Variants in TSNARE1 observed in about 807,000 individuals in gnomAD.
TSNARE1 encodes t-SNARE domain containing 1.
A neutral mutation model predicts 62.0 loss-of-function variants in TSNARE1; 49 were observed. The ratio of observed to expected loss-of-function variants is 0.79; its 90% CI spans 0.63 to 1.00. The LOEUF (loss-of-function observed/expected upper bound fraction) is 1.00. Among genes scored for constraint, TSNARE1 ranks in the 50% least tolerant of loss-of-function variants. TSNARE1 has a pLI of 0.00. For missense variants in TSNARE1, 755 were observed against 700.1 expected (o/e 1.08, Z -0.88); for synonymous variants, 328 against 294.4 (o/e 1.11, Z -1.17).
intron 1 of TSNARE1, among the ~76,000 whole-genome samples, chr8:142,394,349 C>G (rs1189251796): frequency 6.6e-6 from 1 of 152,222 alleles, no homozygotes; most frequent in Admixed American, 6.5e-5. Flanking sequence ...ACCTCTTACT[C>G]CCCATCTGTA....
intron 9 of TSNARE1, 150 bp from the exon 10 acceptor site, chr8:142,300,794 G>C: frequency 1.3e-6 from 1 of 751,482 alleles, no homozygotes; most frequent in Non-Finnish European, 1.9e-6. Flanking sequence ...GGGGCCTTCT[G>C]CGGCCACGAG....
intron 11 of TSNARE1, chr8:142,278,342 T>TGG (rs1820841219): frequency 2.0e-6 from 2 of 985,428 alleles, no homozygotes; most frequent in Middle Eastern, 1.0e-3. Context: ...TGGCTGCCAC[T>TGG]GGGGGCGTTT....
chr8:142,351,788 T>C (rs182708856), intron 2 of TSNARE1, among the ~76,000 whole-genome samples: 4 of 152,316 alleles, frequency 2.6e-5, no homozygotes, highest in Non-Finnish European at 5.9e-5. Flanking sequence ...GAAAACTTTA[T>C]CACAGAGCTG....
chr8:142,384,255 C>T (rs764128209), intron 1 of TSNARE1, among the ~76,000 whole-genome samples: 1 of 152,186 alleles, frequency 6.6e-6, no homozygotes, highest in Non-Finnish European at 1.5e-5. Flanking sequence ...TGGAAAGCTA[C>T]TGTATCCCCT....
At chr8:142,230,220 A>G (rs1304092419) in intron 12 of TSNARE1, among the ~76,000 whole-genome samples, 1 of 152,204 alleles carries the variant, frequency 6.6e-6, no homozygotes, top group African/African-American at 2.4e-5. Flanking sequence ...TGGGGTGGGA[A>G]ACCCCTCGGC....
intron 12 of TSNARE1, among the ~76,000 whole-genome samples, chr8:142,267,179 C>T (rs9644551): frequency 0.13 from 20,316 of 152,198 alleles, 1,610 homozygotes; most frequent in East Asian, 0.33. Flanking sequence ...TCCTGGTTTT[C>T]CCTCAACGGC....
intron 1 of TSNARE1, among the ~76,000 whole-genome samples, chr8:142,365,629 CACACAGAGAG>C (rs1442499410): frequency 2.2e-4 from 32 of 147,556 alleles, no homozygotes; most frequent in South Asian, 2.0e-3. Context: ...CACACACACA[CACACAGAGAG>C]AGAGAGGGGA....
intron 1 of TSNARE1, among the ~76,000 whole-genome samples, chr8:142,398,055 T>A (rs968016336): frequency 3.3e-5 from 5 of 152,222 alleles, no homozygotes; most frequent in African/African-American, 1.2e-4. Flanking sequence ...CAGACCTGCC[T>A]ACTAGGAGTC....
chr8:142,284,620 AC>A (rs1386395861), intron 10 of TSNARE1, 135 bp from the exon 11 acceptor site: 50 of 708,938 alleles, frequency 7.1e-5, no homozygotes, highest in Non-Finnish European at 8.2e-5. Flanking sequence ...ACAGCTGGGG[AC>A]CGGCTGGTCT....
chr8:142,287,075 G>A (rs959368613), intron 10 of TSNARE1, among the ~76,000 whole-genome samples: 1 of 152,224 alleles, frequency 6.6e-6, no homozygotes, highest in Non-Finnish European at 1.5e-5. Context: ...TCCAACCCAG[G>A]TCACTACCAC....
chr8:142,281,709 G>A (rs1312311028), intron 11 of TSNARE1, among the ~76,000 whole-genome samples: 1 of 152,082 alleles, frequency 6.6e-6, no homozygotes, highest in Non-Finnish European at 1.5e-5. Flanking sequence ...AAGGGCTGTG[G>A]CCCAGGGTGG....
intron 6 of TSNARE1, among the ~76,000 whole-genome samples, chr8:142,327,232 G>A (rs1465029642): frequency 6.6e-6 from 1 of 152,246 alleles, no homozygotes; most frequent in African/African-American, 2.4e-5. Context: ...GCTGGTGAAT[G>A]GGTCTGTCCT....
chr8:142,269,723 T>C (rs1454995339), intron 12 of TSNARE1: 40 of 985,200 alleles, frequency 4.1e-5, no homozygotes, highest in Non-Finnish European at 4.8e-5. Context: ...TTTGGCAGGA[T>C]GGAAGGCCAG....
At chr8:142,260,301 C>T (rs531469623) in intron 12 of TSNARE1, among the ~76,000 whole-genome samples, 57 of 152,210 alleles carry the variant, frequency 3.7e-4, no homozygotes, top group African/African-American at 1.3e-3. Context: ...AGAAGCACAA[C>T]TGTTTAGAGA....
intron 4 of TSNARE1, among the ~76,000 whole-genome samples, chr8:142,336,053 T>A (rs904043799): frequency 6.6e-6 from 1 of 152,092 alleles, no homozygotes; most frequent in African/African-American, 2.4e-5. Flanking sequence ...GAGGCTAAGA[T>A]AGGAGGATCA....
chr8:142,389,220 A>T (rs944952966), intron 1 of TSNARE1, among the ~76,000 whole-genome samples: 1 of 152,242 alleles, frequency 6.6e-6, no homozygotes, highest in Non-Finnish European at 1.5e-5. Context: ...AACAGTGGAC[A>T]CATCTCACAC....
chr8:142,293,097 C>T (rs1298558752), intron 10 of TSNARE1, among the ~76,000 whole-genome samples: 2 of 152,158 alleles, frequency 1.3e-5, no homozygotes, highest in Non-Finnish European at 2.9e-5. Flanking sequence ...CCTCAGGAGT[C>T]CCCAAGAAAA....
intron 4 of TSNARE1, among the ~76,000 whole-genome samples, chr8:142,340,655 A>G (rs1290824742): frequency 1.3e-5 from 2 of 152,250 alleles, no homozygotes; most frequent in Non-Finnish European, 2.9e-5. Context: ...AAGGCCCCAG[A>G]GCTGGGAAAG....
chr8:142,296,947 C>T (rs1824856825), intron 10 of TSNARE1, among the ~76,000 whole-genome samples: 3 of 152,192 alleles, frequency 2.0e-5, no homozygotes, highest in Admixed American at 2.0e-4. Flanking sequence ...AGCCTCATGG[C>T]ACCCCCTGGG....
Sources: allele counts gnomAD v4.1 joint callset (sites outside exome capture counted in the v4.1 genomes callset), GRCh38; gene constraint gnomAD v4.1.1; transcripts MANE v1.5; gene names NCBI Gene and HGNC (gene_info 2026-07-23, HGNC 2026-07-21).